PCGF5: variants seen among roughly 807,000 people sequenced by gnomAD.
The protein encoded by PCGF5 is polycomb group RING finger protein 5.
PCGF5 carries 9 observed loss-of-function variants against 44.3 expected under a neutral mutation model. The ratio of observed to expected loss-of-function variants is 0.20; its 90% CI spans 0.12 to 0.35. The LOEUF is 0.35. PCGF5 is among the 10% of genes least tolerant of loss of function. PCGF5 has a pLI of 1.00. For missense variants in PCGF5, 146 were observed against 305.3 expected, an observed-to-expected ratio of 0.48 and a Z score of 3.89; for synonymous variants, 95 against 102.5, an observed-to-expected ratio of 0.93 and a Z score of 0.44.
chr10:91,202,506 T>G (rs1281807828), intron 1 of PCGF5, among the ~76,000 whole-genome samples: 1 of 152,186 alleles, frequency 6.6e-6, no homozygotes, highest in African/African-American at 2.4e-5. Flanking sequence ...ATTTGTAAGC[T>G]CTTAGCACAG....
intron 9 of PCGF5, among the ~76,000 whole-genome samples, chr10:91,272,472 A>G (rs1378016170): frequency 1.4e-5 from 2 of 146,746 alleles, no homozygotes; most frequent in African/African-American, 5.4e-5. Flanking sequence ...TAGCAAGACA[A>G]AAAAAAATTA....
intron 8 of PCGF5, among the ~76,000 whole-genome samples, chr10:91,268,296 C>G (rs1846094031): frequency 6.6e-6 from 1 of 152,128 alleles, no homozygotes; most frequent in Non-Finnish European, 1.5e-5. Context: ...TTTTATAAGG[C>G]AAATAGTTGG....
chr10:91,249,190 A>G (rs1845553660), intron 5 of PCGF5, among the ~76,000 whole-genome samples: 1 of 151,830 alleles, frequency 6.6e-6, no homozygotes, highest in Non-Finnish European at 1.5e-5. Context: ...TTATAAGTAG[A>G]GCTCAGGTGA....
At chr10:91,189,522 A>G (rs1843992991) in intron 1 of PCGF5, among the ~76,000 whole-genome samples, 2 of 152,256 alleles carry the variant, frequency 1.3e-5, no homozygotes, top group African/African-American at 4.8e-5. Context: ...TTAGTAATAT[A>G]TGACATAAAA....
intron 2 of PCGF5, among the ~76,000 whole-genome samples, chr10:91,233,042 G>C (rs946308893): frequency 7.2e-5 from 11 of 152,182 alleles, no homozygotes; most frequent in African/African-American, 2.7e-4. Flanking sequence ...GCCAGGATTA[G>C]AGTTTAGTTG....
intron 8 of PCGF5, among the ~76,000 whole-genome samples, chr10:91,267,449 A>G (rs898067236): frequency 4.6e-5 from 7 of 152,178 alleles, no homozygotes; most frequent in African/African-American, 1.7e-4. Flanking sequence ...TCACTGCTAA[A>G]TCTCCAGCAC....
chr10:91,251,978 T>C (rs1051910257), intron 6 of PCGF5, among the ~76,000 whole-genome samples: 1 of 152,058 alleles, frequency 6.6e-6, no homozygotes, highest in East Asian at 1.9e-4. Context: ...AGAATCTCCA[T>C]TTCTGGTACT....
intron 9 of PCGF5, among the ~76,000 whole-genome samples, chr10:91,275,670 T>A (rs1452476695): frequency 6.6e-6 from 1 of 150,836 alleles, no homozygotes; most frequent in East Asian, 1.9e-4. Context: ...GGCCAGGATG[T>A]TCTTGATCTC....
At chr10:91,206,019 C>CA (rs1213955615) in intron 1 of PCGF5, among the ~76,000 whole-genome samples, 1 of 152,026 alleles carries the variant, frequency 6.6e-6, no homozygotes, top group African/African-American at 2.4e-5. Context: ...GCGACTCTGT[C>CA]AAAAAACAAA....
intron 6 of PCGF5, 85 bp downstream of exon 6, chr10:91,251,525 A>G (rs1845623884): frequency 2.3e-6 from 3 of 1,298,036 alleles, no homozygotes; most frequent in Non-Finnish European, 3.3e-6. Context: ...TAATGCTTCA[A>G]AATGTTTGCT....
Position 91,282,654 on chromosome 10 carries a change from A to G in PCGF5, c.*4338A>G, listed in dbSNP as rs1846481404. 6.6e-6 allele frequency: 1 copy of G among 152,634 alleles called. No individual in the cohort carries two copies. Among genetic ancestry groups the G allele is most frequent in the African/African-American group, 2.4e-5 (1 of 41,450 alleles). The allele number at this position is 152,634 out of a possible 1,614,324, so 9.5% of individuals were successfully genotyped here. A position where few individuals can be genotyped will look rare whatever the true frequency, so the allele number is the denominator to read the frequency against. ...TCCTTGGGAACTCATGCTATGGGCTACCTTAAAGGTAAAACTCATCTTATG... is the reference window on the plus strand; with the variant it reads ...TCCTTGGGAACTCATGCTATGGGCTGCCTTAAAGGTAAAACTCATCTTATG... On this transcript the variant is annotated 3_prime_UTR_variant, in exon 10 of 10. Coordinates refer to ENST00000336126, the MANE Select transcript of PCGF5 (RefSeq NM_032373.5).
intron 6 of PCGF5, among the ~76,000 whole-genome samples, chr10:91,259,110 C>G (rs746181404): frequency 3.3e-5 from 5 of 152,082 alleles, no homozygotes. Flanking sequence ...TTGGGTGTCC[C>G]TTCTGGATTG....
intron 1 of PCGF5, among the ~76,000 whole-genome samples, chr10:91,202,211 T>C (rs914876586): frequency 1.3e-5 from 2 of 152,226 alleles, no homozygotes; most frequent in African/African-American, 2.4e-5. Flanking sequence ...ATGATGATGA[T>C]GGTCGATGTA....
chr10:91,201,035 A>G (rs1844242106), intron 1 of PCGF5, among the ~76,000 whole-genome samples: 1 of 152,102 alleles, frequency 6.6e-6, no homozygotes. Context: ...AACTCCTGAG[A>G]CACCAGGGAG....
intron 1 of PCGF5, among the ~76,000 whole-genome samples, chr10:91,163,287 T>C (rs1184994293): frequency 6.7e-6 from 1 of 149,778 alleles, no homozygotes; most frequent in Non-Finnish European, 1.5e-5. Flanking sequence ...GCGGCCGGGC[T>C]GGCGGCGCGC....
At chr10:91,167,640 G>T (rs1419474996) in intron 1 of PCGF5, among the ~76,000 whole-genome samples, 1 of 152,204 alleles carries the variant, frequency 6.6e-6, no homozygotes, top group African/African-American at 2.4e-5. Flanking sequence ...ATGCTGCATG[G>T]GGAGGGGAAA....
At chr10:91,158,908 G>C (rs1843348697), upstream of PCGF5, among the ~76,000 whole-genome samples, 1 of 152,146 alleles carries the variant, frequency 6.6e-6, no homozygotes, top group African/African-American at 2.4e-5. Flanking sequence ...AACCTAAACA[G>C]TTGACTATAA....
chr10:91,235,687 T>C (rs1356811246), intron 2 of PCGF5, among the ~76,000 whole-genome samples: 1 of 152,206 alleles, frequency 6.6e-6, no homozygotes, highest in African/African-American at 2.4e-5. Context: ...GGGGCGGGTC[T>C]TTCTCACGCT....
At chr10:91,166,174 A>T (rs999636609) in intron 1 of PCGF5, among the ~76,000 whole-genome samples, 5 of 152,180 alleles carry the variant, frequency 3.3e-5, no homozygotes, top group African/African-American at 1.2e-4. Context: ...TCTCATAAAG[A>T]GCTTAAGTGG....
Sources: allele counts gnomAD v4.1 joint callset (sites outside exome capture counted in the v4.1 genomes callset), GRCh38; gene constraint gnomAD v4.1.1; transcripts MANE v1.5; gene names NCBI Gene and HGNC (gene_info 2026-07-23, HGNC 2026-07-21).